ZHX3: variants seen among roughly 807,000 people sequenced by gnomAD.
ZHX3 encodes the protein zinc fingers and homeoboxes protein 3.
In ZHX3, 20 loss-of-function variants were observed where a neutral mutation model predicts 64.5. The ratio of observed to expected loss-of-function variants is 0.31; its 90% CI spans 0.22 to 0.45. The LOEUF (loss-of-function observed/expected upper bound fraction) is 0.45. Among genes scored for constraint, ZHX3 ranks in the 20% least tolerant of loss-of-function variants. The pLI, the probability that ZHX3 is intolerant of heterozygous loss-of-function variation, is 1.00. For missense variants in ZHX3, 1,041 were observed against 1,195.8 expected, an observed-to-expected ratio of 0.87 and a Z score of 1.91; for synonymous variants, 423 against 461.6, an observed-to-expected ratio of 0.92 and a Z score of 1.07.
intron 2 of ZHX3, among the ~76,000 whole-genome samples, chr20:41,255,373 G>A (rs1016867344): frequency 2.0e-5 from 3 of 152,040 alleles, no homozygotes; most frequent in Admixed American, 6.6e-5. Context: ...GAATGGTCTC[G>A]ATCTCCTGAC....
At chr20:41,197,754 C>T (rs921189129) in intron 3 of ZHX3, among the ~76,000 whole-genome samples, 1 of 151,934 alleles carries the variant, frequency 6.6e-6, no homozygotes, top group Non-Finnish European at 1.5e-5. Context: ...CCATTACTAC[C>T]TCCTTTTGTA....
intron 1 of ZHX3, among the ~76,000 whole-genome samples, chr20:41,270,732 T>A (rs2043103738): frequency 6.6e-6 from 1 of 152,076 alleles, no homozygotes; most frequent in Admixed American, 6.6e-5. Context: ...CAGGGGTACC[T>A]GGGCAAATAT....
intron 1 of ZHX3, among the ~76,000 whole-genome samples, chr20:41,284,595 C>G (rs1054474033): frequency 6.6e-6 from 1 of 152,134 alleles, no homozygotes; most frequent in Non-Finnish European, 1.5e-5. Context: ...TACATATTTT[C>G]TCAAAGGACT....
intron 1 of ZHX3, among the ~76,000 whole-genome samples, chr20:41,280,763 G>A (rs947734831): frequency 6.6e-6 from 1 of 152,058 alleles, no homozygotes; most frequent in African/African-American, 2.4e-5. Context: ...AGCAAAAGGG[G>A]CATAACCAAA....
intron 1 of ZHX3, among the ~76,000 whole-genome samples, chr20:41,280,861 G>T (rs1441462727): frequency 6.6e-6 from 1 of 151,712 alleles, no homozygotes; most frequent in Non-Finnish European, 1.5e-5. Flanking sequence ...GATAAATCTA[G>T]ATGATCCAAT....
At chr20:41,220,380 T>A (rs1180211739) in intron 2 of ZHX3, among the ~76,000 whole-genome samples, 1 of 152,212 alleles carries the variant, frequency 6.6e-6, no homozygotes, top group Admixed American at 6.5e-5. Context: ...CTAGAAAGGA[T>A]TCAGTTTTGC....
intron 1 of ZHX3, among the ~76,000 whole-genome samples, chr20:41,295,292 G>C (rs2044452404): frequency 6.6e-6 from 1 of 151,810 alleles, no homozygotes; most frequent in Non-Finnish European, 1.5e-5. Flanking sequence ...AATGCAGCAA[G>C]GCATAAAAAA....
chr20:41,313,704 T>C (rs554579123), intron 1 of ZHX3, among the ~76,000 whole-genome samples: 9 of 150,860 alleles, frequency 6.0e-5, no homozygotes, highest in Admixed American at 6.0e-4. Context: ...TTCACGCCAT[T>C]CTCCTGCCTC....
chr20:41,236,046 T>C (rs2040960746), intron 2 of ZHX3, among the ~76,000 whole-genome samples: 2 of 152,082 alleles, frequency 1.3e-5, no homozygotes, highest in Admixed American at 6.6e-5. Flanking sequence ...ATAAAATACC[T>C]AGGAATCCAA....
At chr20:41,213,760 G>A (rs2039328081) in intron 2 of ZHX3, 2 of 152,248 alleles carry the variant, frequency 1.3e-5, no homozygotes, top group African/African-American at 4.8e-5. Context: ...ACAACATGAA[G>A]ATGGATTTGA....
At chr20:41,293,022 G>A (rs1241901401) in intron 1 of ZHX3, among the ~76,000 whole-genome samples, 1 of 152,178 alleles carries the variant, frequency 6.6e-6, no homozygotes, top group East Asian at 1.9e-4. Context: ...TAGTGAGATG[G>A]GAGACGCACG....
intron 2 of ZHX3, chr20:41,238,797 C>G (rs1001095148): frequency 6.6e-6 from 1 of 152,178 alleles, no homozygotes; most frequent in Admixed American, 6.5e-5. Flanking sequence ...GTTAGAATCA[C>G]TAAAACACAC....
intron 3 of ZHX3, among the ~76,000 whole-genome samples, chr20:41,196,490 A>AAATAT: frequency 1.3e-5 from 1 of 79,552 alleles, no homozygotes; most frequent in East Asian, 3.1e-4. Context: ...TATTATAAAT[A>AAATAT]TATATTATAT....
At chr20:41,252,496 G>T (rs936397493) in intron 2 of ZHX3, among the ~76,000 whole-genome samples, 1 of 152,150 alleles carries the variant, frequency 6.6e-6, no homozygotes, top group Non-Finnish European at 1.5e-5. Context: ...GTCATCCCGC[G>T]ATGCTGGTGG....
At chr20:41,187,057 T>C (rs78848717) in intron 3 of ZHX3, among the ~76,000 whole-genome samples, 16,626 of 152,086 alleles carry the variant, frequency 0.11, 1,302 homozygotes, top group Non-Finnish European at 0.16. Context: ...ATGGGGTGGC[T>C]TGCACCTGTA....
At chr20:41,268,520 A>C (rs553391797) in intron 2 of ZHX3, among the ~76,000 whole-genome samples, 1 of 152,368 alleles carries the variant, frequency 6.6e-6, no homozygotes, top group East Asian at 1.9e-4. Flanking sequence ...AAGGTTTCCT[A>C]TTCCACAGAT....
At chr20:41,313,593 C>CTTTTTTTT (rs58599783) in intron 1 of ZHX3, among the ~76,000 whole-genome samples, 3 of 103,778 alleles carry the variant, frequency 2.9e-5, no homozygotes, top group African/African-American at 7.9e-5. Context: ...ACTTTTAGGC[C>CTTTTTTTT]TTTTTTTTTT....
At chr20:41,220,746 T>C (rs1441441556) in intron 2 of ZHX3, among the ~76,000 whole-genome samples, 2 of 152,028 alleles carry the variant, frequency 1.3e-5, no homozygotes, top group African/African-American at 4.8e-5. Flanking sequence ...CAGGCTGGAG[T>C]GCAGTGGTAC....
intron 3 of ZHX3, among the ~76,000 whole-genome samples, chr20:41,187,323 C>CAAAAA (rs57588943): frequency 2.6e-5 from 2 of 77,468 alleles, no homozygotes; most frequent in Non-Finnish European, 4.9e-5. Context: ...GAACCTGTCT[C>CAAAAA]AAAAAAAAAA....
Sources: allele counts gnomAD v4.1 joint callset (sites outside exome capture counted in the v4.1 genomes callset), GRCh38; gene constraint gnomAD v4.1.1; transcripts MANE v1.5; gene names NCBI Gene and HGNC (gene_info 2026-07-23, HGNC 2026-07-21).